Variants in UTP20 observed in about 807,000 individuals in gnomAD.
The protein encoded by UTP20 is small subunit processome component 20 homolog.
Under a neutral mutation model 329.5 loss-of-function variants are expected in UTP20, and 164 were observed. The observed-to-expected ratio is 0.50, with a 90% CI of 0.44 to 0.57. The LOEUF (loss-of-function observed/expected upper bound fraction) is 0.57. UTP20 is among the 20% of genes least tolerant of loss of function. The pLI, the probability that UTP20 is intolerant of heterozygous loss-of-function variation, is 0.00. For synonymous variants in UTP20, 1,151 were observed against 1,159.3 expected, an observed-to-expected ratio of 0.99 and a Z score of 0.14; for missense variants, 3,055 against 3,284.2, an observed-to-expected ratio of 0.93 and a Z score of 1.71.
In UTP20 at chr12:101,355,068, A is replaced by T; in HGVS notation, c.5344A>T (p.Thr1782Ser). The T allele has an allele frequency of 1.2e-6, 2 of 1,614,128 alleles. No individual in the cohort carries two copies. The highest frequency in any genetic ancestry group is 1.7e-6 in the Non-Finnish European group (2 of 1,180,016). The change falls in exon 41 of 62, where the codon ACC (threonine) becomes TCC (serine). Residue 1782 changes from threonine to serine, a missense_variant. By Grantham distance (58) the Thr-to-Ser change is moderately conservative. Around this residue, in one of 3 missense-constraint regions of UTP20, gnomAD observed 2,445 missense variants for 2,575.5 expected, o/e 0.95. Transcript: ENST00000261637. ...GAGAACAATTAAAAATATCCAAGGA[A>T]CCATAACCGGGGATATTCTCCCCAG... ...IERTIKNIQGTITGDILPRLH... is the reference protein window; with the variant it reads ...IERTIKNIQGSITGDILPRLH...
chr12:101,290,672 C>T (rs1872112838), intron 7 of UTP20, 61 bp from the exon 8 acceptor site: 4 of 1,517,824 alleles, frequency 2.6e-6, no homozygotes, highest in Non-Finnish European at 3.5e-6. Context: ...GTGGTGACTC[C>T]CAGAGCAATA....
intron 54 of UTP20, 58 bp downstream of exon 54, chr12:101,373,825 TTAAG>T: frequency 1.9e-6 from 3 of 1,555,128 alleles, no homozygotes; most frequent in Non-Finnish European, 2.6e-6. Flanking sequence ...GGATCATAGT[TTAAG>T]TAAGAATATA....
At chr12:101,369,915 G>T in intron 49 of UTP20, 24 bp downstream of exon 49, 1 of 1,609,094 alleles carries the variant, frequency 6.2e-7, no homozygotes, top group Non-Finnish European at 8.5e-7. Flanking sequence ...ACTTGCCCTT[G>T]GAAAAAGCCA....
chr12:101,280,938 A>T (rs1363104571), intron 1 of UTP20, among the ~76,000 whole-genome samples, 178 bp from the exon 2 acceptor site: 1 of 152,230 alleles, frequency 6.6e-6, no homozygotes, highest in Non-Finnish European at 1.5e-5. Context: ...GCAAACATAG[A>T]AGTATTCATT....
chr12:101,374,887 G>C lies in UTP20; in HGVS notation c.7211G>C (p.Gly2404Ala). Residue 2404 changes from glycine (G) to alanine (A), a missense_variant, in exon 55 of 62, where the codon GGA becomes GCA. By Grantham distance (60) the Gly-to-Ala change is moderately conservative. Coordinates refer to ENST00000261637, the MANE Select transcript of UTP20 (RefSeq NM_014503.3). ...GGAGTTGATTTTGAGAAAAGACTTG[G>C]AACTGTCCTTCCTGTGATTGAAAAG... is the stretch of plus-strand genomic sequence containing the variant. ...SEGVDFEKRL[G>A]TVLPVIEKEI... 6.2e-7 allele frequency: 1 copy of C among 1,606,288 alleles called. No individual in the cohort carries two copies. The highest frequency in any genetic ancestry group is 8.5e-7 in the Non-Finnish European group (1 of 1,172,938).
chr12:101,301,157 T>C (rs1160368553), intron 14 of UTP20, among the ~76,000 whole-genome samples: 1 of 152,180 alleles, frequency 6.6e-6, no homozygotes, highest in Non-Finnish European at 1.5e-5. Flanking sequence ...CCATATAGTT[T>C]GCTGACCTCT....
At chr12:101,369,953 C>T in intron 49 of UTP20, 62 bp downstream of exon 49, 2 of 1,520,096 alleles carry the variant, frequency 1.3e-6, no homozygotes, top group Non-Finnish European at 1.8e-6. Flanking sequence ...ATAGCTCGTA[C>T]CTATAATCCC....
intron 2 of UTP20, among the ~76,000 whole-genome samples, chr12:101,284,620 T>A (rs1402986112): frequency 6.6e-6 from 1 of 152,134 alleles, no homozygotes; most frequent in Non-Finnish European, 1.5e-5. Flanking sequence ...TACATCTATA[T>A]ACACACATAC....
chr12:101,330,340 G>C (rs1262562406), intron 27 of UTP20, among the ~76,000 whole-genome samples: 2 of 152,156 alleles, frequency 1.3e-5, no homozygotes, highest in Admixed American at 1.3e-4. Context: ...GTGGTGGCTA[G>C]AGCACCAGGA....
chr12:101,289,353 G>A (rs2137232381), intron 6 of UTP20, among the ~76,000 whole-genome samples: 1 of 150,594 alleles, frequency 6.6e-6, no homozygotes, highest in African/African-American at 2.4e-5. Flanking sequence ...CTCCAGCCTA[G>A]GCGACAGAGC....
At chr12:101,310,576 C>CTAAAAAAAA (rs1872754181) in intron 19 of UTP20, among the ~76,000 whole-genome samples, 1 of 31,520 alleles carries the variant, frequency 3.2e-5, no homozygotes, top group African/African-American at 6.3e-4. Flanking sequence ...ACTCTGTCTC[C>CTAAAAAAAA]CAAAAAAAAA....
intron 23 of UTP20, 26 bp downstream of exon 23, chr12:101,319,661 A>G (rs1873086221): frequency 3.2e-6 from 5 of 1,553,466 alleles, no homozygotes; most frequent in Non-Finnish European, 4.4e-6. Flanking sequence ...TCTTGGCATT[A>G]TAATTCTTTG....
At position 101,290,752 on chromosome 12, in the gene UTP20, G is replaced by T; in HGVS notation, c.755G>T (p.Arg252Leu). Residue 252 changes from arginine to leucine, a missense_variant, in exon 8 of 62, where the codon CGA becomes CTA. Coordinates refer to ENST00000261637, the MANE Select transcript of UTP20 (RefSeq NM_014503.3). ...CTGQAVKLIL[R>L]KLGPVTETET... ...CCACAGGCAGTGAAGCTAATTTTGCGAAAGCTAGGACCAGTCACTGAAACA... is the reference window on the plus strand; with the variant it reads ...CCACAGGCAGTGAAGCTAATTTTGCTAAAGCTAGGACCAGTCACTGAAACA... 6.2e-7 allele frequency: 1 copy of T among 1,605,006 alleles called. No homozygotes were observed. Among genetic ancestry groups the T allele is most frequent in the Non-Finnish European group, 8.5e-7 (1 of 1,177,662 alleles).
rs769717757 is a variant in UTP20 at position 101,366,545 on chromosome 12, A to G, written c.6126-13A>G. On this transcript the variant is annotated splice_polypyrimidine_tract_variant and intron_variant, in intron 46 of 61. Transcript: ENST00000261637. ...GTGTTCTTTACCCTCTTCTCATGCC[A>G]CGTGATTGACAGAAATCCAGTAGCC... The G allele has an allele frequency of 6.2e-7, 1 of 1,607,842 alleles. No homozygotes were observed. The highest frequency in any genetic ancestry group is 1.1e-5 in the South Asian group (1 of 90,308).
At chr12:101,323,450 G>C (rs952053858) in intron 25 of UTP20, among the ~76,000 whole-genome samples, 4 of 152,114 alleles carry the variant, frequency 2.6e-5, no homozygotes, top group African/African-American at 2.4e-5. Flanking sequence ...CCAGCAGTAG[G>C]ATGCCTGTTT....
chr12:101,328,699 A>G (rs180861191), intron 26 of UTP20, among the ~76,000 whole-genome samples: 1 of 151,852 alleles, frequency 6.6e-6, no homozygotes, highest in East Asian at 1.9e-4. Flanking sequence ...TGAAACTCCA[A>G]CTCTACTAAA....
Position 101,383,301 on chromosome 12 carries a change from A to T in UTP20, c.7917A>T (p.Arg2639Ser). The change falls in exon 59 of 62, where the codon AGA (arginine) becomes AGT (serine). Residue 2639 changes from arginine to serine, a missense_variant. Physicochemically the swap from Arg to Ser is moderately radical, Grantham distance 110 (BLOSUM62 -1). Coordinates refer to ENST00000261637, the MANE Select transcript of UTP20 (RefSeq NM_014503.3). ...IAKLEAAYSP[R>S]NPLKRTCIFK... ...AACTGGAAGCTGCTTATTCGCCGAG[A>T]AACCCCTTAAAGGTGCGATGAATGC... The T allele has an allele frequency of 6.2e-7, 1 of 1,613,850 alleles. No individual in the cohort carries two copies.
rs1421011570 is a variant in UTP20, at chr12:101,368,897, T to A, written c.6385-824T>A. ...TCCGACTCCCAAGCTCGCTCTTCTG[T>A]GTCTTAATCCAGCCCACTGAAGAGT... On this transcript the variant is annotated intron_variant, in intron 48 of 61. Coordinates refer to ENST00000261637, the MANE Select transcript of UTP20 (RefSeq NM_014503.3). Among the ~76,000 whole-genome samples the A allele has an allele frequency of 6.2e-3, 945 of 152,182 alleles. 5 individuals carry two copies. The highest frequency in any genetic ancestry group is 0.022 in the African/African-American group (897 of 41,518).
Position 101,366,782 on chromosome 12 carries a change from C to G in UTP20, c.6267+83C>G, listed in dbSNP as rs1171415130. On this transcript the variant is annotated intron_variant, in intron 47 of 61. Coordinates refer to ENST00000261637, the MANE Select transcript of UTP20 (RefSeq NM_014503.3). Reference sequence around the variant, plus strand: ...CTTCTGTTGAATTTCTAGTACTGCTCACTTCCATTGGAAATGCCTTACTGT... The same window carrying G: ...CTTCTGTTGAATTTCTAGTACTGCTGACTTCCATTGGAAATGCCTTACTGT... 1.4e-5 allele frequency: 21 copies of G among 1,482,412 alleles called. No individual in the cohort carries two copies. In the East Asian group the frequency reaches 4.9e-4, roughly 35 times the overall value. The allele number at this position is 1,482,412 out of a possible 1,614,324, so 91.8% of individuals were successfully genotyped here.
Sources: allele counts gnomAD v4.1 joint callset (sites outside exome capture counted in the v4.1 genomes callset), GRCh38; gene constraint gnomAD v4.1.1; regional missense constraint gnomAD v4.1.1; transcripts MANE v1.5; gene names NCBI Gene and HGNC (gene_info 2026-07-23, HGNC 2026-07-21).